Variants in PRRC2C observed in about 807,000 individuals in gnomAD.
PRRC2C encodes protein PRRC2C.
In PRRC2C, 72 loss-of-function variants were observed where a neutral mutation model predicts 317.2. The observed-to-expected ratio is 0.23, with a 90% CI of 0.19 to 0.28. PRRC2C has a LOEUF of 0.28. PRRC2C is among the 10% of genes least tolerant of loss of function. The pLI is 1.00. For missense variants in PRRC2C, 3,074 were observed against 3,459.7 expected (o/e 0.89, Z 2.80); for synonymous variants, 1,296 against 1,205.9 (o/e 1.07, Z -1.55).
intron 18 of PRRC2C, among the ~76,000 whole-genome samples, chr1:171,554,252 T>A (rs1471853619): frequency 3.3e-5 from 5 of 152,194 alleles, no homozygotes; most frequent in Non-Finnish European, 5.9e-5. Flanking sequence ...TGATCTTTGT[T>A]GGTTTAAAGT....
chr1:171,576,525 A>G (rs1273997119), intron 25 of PRRC2C, among the ~76,000 whole-genome samples: 6 of 152,238 alleles, frequency 3.9e-5, no homozygotes, highest in African/African-American at 1.4e-4. Context: ...TACTAAAGTC[A>G]TAATAGCTCA....
intron 7 of PRRC2C, 68 bp downstream of exon 7, chr1:171,522,327 G>A: frequency 9.0e-7 from 1 of 1,105,006 alleles, no homozygotes; most frequent in South Asian, 1.3e-5. Context: ...AAGGTTGAGT[G>A]GATTGTGTGA....
At chr1:171,489,385 T>G (rs1348257054) in intron 1 of PRRC2C, among the ~76,000 whole-genome samples, 1 of 152,208 alleles carries the variant, frequency 6.6e-6, no homozygotes, top group Non-Finnish European at 1.5e-5. Context: ...CAATATGGCA[T>G]TTGGTCCACT....
chr1:171,561,472 T>C (rs1682700052), intron 20 of PRRC2C, among the ~76,000 whole-genome samples: 1 of 152,168 alleles, frequency 6.6e-6, no homozygotes, highest in African/African-American at 2.4e-5. Context: ...ACAATGCTTA[T>C]AGCATGCCTC....
At position 171,574,882 on chromosome 1, in the gene PRRC2C, G is replaced by A. The variant is rs1205739058; in HGVS notation, c.6754-45G>A. ...ACATGTATATACATACGTATATTCT[G>A]TATTAACATCATTTTTTTACTATAA... is the stretch of plus-strand genomic sequence containing the variant. On this transcript the variant is annotated intron_variant, in intron 24 of 34. Coordinates refer to ENST00000647382, the MANE Select transcript of PRRC2C (RefSeq NM_001387844.1). 14 of 1,545,644 alleles carry A rather than the reference G, an allele frequency of 9.1e-6. No individual in the cohort carries two copies. In the Admixed American group the frequency reaches 2.0e-4, roughly 22 times the overall value.
At chr1:171,577,841 G>A (rs773450744) in intron 26 of PRRC2C, among the ~76,000 whole-genome samples, 6 of 142,052 alleles carry the variant, frequency 4.2e-5, no homozygotes, top group East Asian at 2.0e-4. Flanking sequence ...GCAGTGACGC[G>A]GTCTTGGCTT....
In PRRC2C at chr1:171,589,312, T is replaced by TG; in HGVS notation, c.8200-57_8200-56insG. 4.2e-5 allele frequency: 27 copies of TG among 649,958 alleles called. No individual in the cohort carries two copies. The South Asian group carries it at 4.9e-4, about 12-fold the overall frequency. 40.3% of individuals were successfully genotyped at this position (649,958 alleles called of 1,614,324 possible). On this transcript the variant is annotated intron_variant, in intron 33 of 34. Transcript: ENST00000647382. Reference sequence around the variant, plus strand: ...GCCAACCTGGTCTAGTTGGCAGTTTTTTTTTTTTTTTTTTTTTTAACAGTT... The same window carrying TG: ...GCCAACCTGGTCTAGTTGGCAGTTTTGTTTTTTTTTTTTTTTTTTAACAGTT...
Position 171,532,912 on chromosome 1 carries a change from T to C in PRRC2C, c.1824T>C (p.Asn608=). Residue 608 remains asparagine (N), a synonymous_variant, in exon 12 of 35, where the codon AAT becomes AAC. Transcript: ENST00000647382. ...AGAAAATTGAACCCAGAGAACCTAA[T>C]TTAGAGCCCATGGTAGAAAAACAAG... ...LEEKIEPREP[N]LEPMVEKQES... is the part of the protein sequence containing the mutation. 2 of 1,573,316 alleles carry C rather than the reference T, an allele frequency of 1.3e-6. No individual in the cohort carries two copies. Among genetic ancestry groups the C allele is most frequent in the Non-Finnish European group, 1.7e-6 (2 of 1,170,284 alleles).
Position 171,592,922 on chromosome 1 carries a change from G to T in PRRC2C, c.*1075G>T, listed in dbSNP as rs1179566892. The T allele has an allele frequency of 6.6e-6, 1 of 152,054 alleles. No homozygotes were observed. The highest frequency in any genetic ancestry group is 1.5e-5 in the Non-Finnish European group (1 of 68,018). 9.4% of individuals were successfully genotyped at this position (152,054 alleles called of 1,614,324 possible). ...AGTATTATAGATATAGGACAGTACT[G>T]TATCATACCTCTGTGAATGTAAAAT... On this transcript the variant is annotated 3_prime_UTR_variant, in exon 35 of 35. Coordinates refer to ENST00000647382, the MANE Select transcript of PRRC2C (RefSeq NM_001387844.1).
chr1:171,539,753 C>T (rs1259981807), intron 15 of PRRC2C, among the ~76,000 whole-genome samples: 1 of 152,024 alleles, frequency 6.6e-6, no homozygotes, highest in East Asian at 1.9e-4. Flanking sequence ...ATGTGTATAC[C>T]ACATTTTCTT....
At chr1:171,558,949 A>G (rs1442234438) in intron 19 of PRRC2C, among the ~76,000 whole-genome samples, 2 of 152,262 alleles carry the variant, frequency 1.3e-5, no homozygotes, top group African/African-American at 4.8e-5. Context: ...CTTATTGCTG[A>G]TACAAAGTTA....
intron 3 of PRRC2C, 62 bp from the exon 4 acceptor site, chr1:171,514,469 TAAATA>T: frequency 5.5e-6 from 7 of 1,270,416 alleles, no homozygotes; most frequent in Non-Finnish European, 7.7e-6. Flanking sequence ...AGGTTTACCT[TAAATA>T]TAATATTGAT....
chr1:171,523,260 T>C lies in PRRC2C; in HGVS notation c.873T>C (p.Ser291=), dbSNP rs374824939. Reference sequence around the variant, plus strand: ...GAGGCCCACCTCCTTCATGGGCCTCTGAGCCTGAACGCCCATCCATTCTTA... The same window carrying C: ...GAGGCCCACCTCCTTCATGGGCCTCCGAGCCTGAACGCCCATCCATTCTTA... The part of the protein sequence containing the change: ...RGRGPPPSWA[S]EPERPSILSA... The change falls in exon 8 of 35, where the codon TCT becomes TCC. Residue 291 remains serine, a synonymous_variant. Transcript: ENST00000647382. 6.2e-7 allele frequency: 1 copy of C among 1,613,404 alleles called. No homozygotes were observed. Among genetic ancestry groups the C allele is most frequent in the African/African-American group, 1.3e-5 (1 of 74,936 alleles).
intron 19 of PRRC2C, among the ~76,000 whole-genome samples, chr1:171,559,520 T>G (rs1682201401): frequency 7.5e-6 from 1 of 133,384 alleles, no homozygotes; most frequent in South Asian, 2.6e-4. Context: ...TTTTTTTTTT[T>G]TTTTTTTTTT....
chr1:171,530,384 C>T (rs1244001377), intron 11 of PRRC2C, among the ~76,000 whole-genome samples: 4 of 151,332 alleles, frequency 2.6e-5, no homozygotes, highest in African/African-American at 9.7e-5. Flanking sequence ...GCTGGGACCA[C>T]AGGCATGTGC....
intron 6 of PRRC2C, among the ~76,000 whole-genome samples, chr1:171,518,045 T>C (rs1241810408): frequency 6.6e-6 from 1 of 152,244 alleles, no homozygotes; most frequent in Non-Finnish European, 1.5e-5. Context: ...GCAGTGTTTC[T>C]TAGCAGAAAC....
intron 20 of PRRC2C, among the ~76,000 whole-genome samples, chr1:171,564,269 A>G (rs1022139136): frequency 3.3e-5 from 5 of 152,124 alleles, no homozygotes; most frequent in African/African-American, 9.7e-5. Flanking sequence ...ATATTATAAT[A>G]TTGTCTAAGC....
chr1:171,539,884 T>C (rs1677646071), intron 15 of PRRC2C, 87 bp from the exon 16 acceptor site: 1 of 1,129,462 alleles, frequency 8.9e-7, no homozygotes, highest in South Asian at 1.5e-5. Context: ...GTCATTGCTT[T>C]CTGTTTTAGA....
rs1677055123 is a variant in PRRC2C, at chr1:171,537,533, G to A, written c.2504+60G>A. On this transcript the variant is annotated intron_variant, in intron 15 of 34. Transcript: ENST00000647382. ...AATATTTTGGTAAAAGGAAAACTGT[G>A]TAGTGTTTCTGAAGATCATTCCAAT... is the stretch of plus-strand genomic sequence containing the variant. 5.7e-6 allele frequency: 8 copies of A among 1,409,608 alleles called. No homozygotes were observed. In the East Asian group the frequency reaches 1.7e-4, roughly 31 times the overall value. 87.3% of individuals were successfully genotyped at this position (1,409,608 alleles called of 1,614,324 possible).
Sources: gnomAD v4.1 joint callset for allele counts (sites outside exome capture counted in the v4.1 genomes callset) on GRCh38, gnomAD v4.1.1 for gene constraint, MANE v1.5 for transcripts, NCBI Gene and HGNC (gene_info 2026-07-23, HGNC 2026-07-21) for gene names.